The following COL6A3 variants were observed in gnomAD, a reference collection of about 807,000 sequenced individuals.
COL6A3 encodes collagen type VI alpha 3 chain, also known as collagen alpha-3(VI) chain.
Under a neutral mutation model 274.1 loss-of-function variants are expected in COL6A3, and 137 were observed. The observed-to-expected ratio is 0.50, with a 90% CI of 0.44 to 0.58. The LOEUF is 0.58. COL6A3 is among the 20% of genes least tolerant of loss of function. COL6A3 has a pLI of 0.00. For synonymous variants in COL6A3, 1,650 were observed against 1,650.6 expected (o/e 1.00, Z 0.01); for missense variants, 3,950 against 4,124.9 (o/e 0.96, Z 1.16).
intron 9 of COL6A3, among the ~76,000 whole-genome samples, chr2:237,370,935 CA>C: frequency 6.6e-6 from 1 of 152,216 alleles, no homozygotes; most frequent in Middle Eastern, 3.4e-3. Flanking sequence ...TGAACACAGA[CA>C]AAAAGAAAAA....
At chr2:237,382,534 A>G (rs2106371667) in intron 4 of COL6A3, among the ~76,000 whole-genome samples, 1 of 152,366 alleles carries the variant, frequency 6.6e-6, no homozygotes, top group East Asian at 1.9e-4. Flanking sequence ...CCCTGCCCAT[A>G]TTGCAAGAAC....
chr2:237,365,727 A>G lies in COL6A3; in HGVS notation c.5809T>C (p.Phe1937Leu). 1.2e-6 allele frequency: 2 copies of G among 1,614,180 alleles called. No individual in the cohort carries two copies. Among genetic ancestry groups the G allele is most frequent in the Non-Finnish European group, 1.7e-6 (2 of 1,180,026 alleles). Residue 1937 changes from phenylalanine to leucine, a missense_variant, in exon 12 of 44, where the codon TTC becomes CTC. By Grantham distance (22) the Phe-to-Leu change is conservative. This residue lies in a region of COL6A3 where 632 missense variants were observed against 623.4 expected (regional missense o/e 1.01). Transcript: ENST00000295550. Reference sequence around the variant, plus strand: ...ACGCTGTCCGGCGAGGACTGTCTGAACTTGTTCAGGTAGACCTTCAGGGTG... The same window carrying G: ...ACGCTGTCCGGCGAGGACTGTCTGAGCTTGTTCAGGTAGACCTTCAGGGTG... ...EDTLKVYLNK[F>L]RQSSPDSVKV...
chr2:237,369,117 G>T lies in COL6A3; in HGVS notation c.4346C>A (p.Pro1449Gln), dbSNP rs779373445. 17 of 1,613,966 alleles carry T rather than the reference G, an allele frequency of 1.1e-5. 1 individual carries two copies. In the South Asian group the frequency reaches 1.9e-4, roughly 18 times the overall value. The change falls in exon 10 of 44, where the codon CCA becomes CAA. Residue 1449 changes from proline (P) to glutamine (Q), a missense_variant. Pro to Gln is a moderately conservative substitution (Grantham distance 76). Transcript: ENST00000295550. ...FLIDSSEGVR[P>Q]DGFAHIRDFV... Reference sequence around the variant, plus strand: ...ATCTCGAATATGTGCAAAGCCATCTGGCCTAACTCCCTCAGAGCTGTCGAT... The same window carrying T: ...ATCTCGAATATGTGCAAAGCCATCTTGCCTAACTCCCTCAGAGCTGTCGAT...
Position 237,381,469 on chromosome 2 carries a change from A to T in COL6A3, c.1343T>A (p.Phe448Tyr). 1 of 1,606,072 alleles carries T rather than the reference A, an allele frequency of 6.2e-7. No homozygotes were observed. The highest frequency in any genetic ancestry group is 8.5e-7 in the Non-Finnish European group (1 of 1,179,992). The change falls in exon 5 of 44, where the codon TTC becomes TAC. Residue 448 changes from phenylalanine (F) to tyrosine (Y), a missense_variant. By Grantham distance (22) the Phe-to-Tyr change is conservative (BLOSUM62 3). Around this residue, in one of 5 missense-constraint regions of COL6A3, gnomAD observed 1,934 missense variants for 1,984.3 expected, o/e 0.97. Coordinates refer to ENST00000295550, the MANE Select transcript of COL6A3 (RefSeq NM_004369.4). ...VIEVNKRDIV[F>Y]LVDGSSALGL... is the part of the protein sequence containing the mutation. ...CAGTGCAGATGAGCCATCCACCAGG[A>T]AGACTATGTCTCTCTTGTTGACTTC...
intron 36 of COL6A3, 34 bp from the exon 37 acceptor site, chr2:237,342,195 C>G: frequency 7.8e-6 from 12 of 1,534,026 alleles, no homozygotes; most frequent in Non-Finnish European, 1.1e-5. Context: ...TTGGTAGGGG[C>G]GTACATGATC....
chr2:237,392,103 T>C (rs1354276301), intron 3 of COL6A3, among the ~76,000 whole-genome samples: 1 of 152,216 alleles, frequency 6.6e-6, no homozygotes, highest in Admixed American at 6.5e-5. Flanking sequence ...CTCTTTCCTA[T>C]GGAGAAGCAG....
intron 7 of COL6A3, among the ~76,000 whole-genome samples, chr2:237,376,196 A>G (rs2077834854): frequency 6.6e-6 from 1 of 152,194 alleles, no homozygotes; most frequent in African/African-American, 2.4e-5. Context: ...TTTCATCAAA[A>G]GGCATACAGG....
chr2:237,336,633 C>T (rs1290503748), intron 39 of COL6A3, 101 bp from the exon 40 acceptor site: 13 of 1,227,830 alleles, frequency 1.1e-5, no homozygotes, highest in Non-Finnish European at 1.4e-5. Context: ...TAGCAAAATG[C>T]ATGCAATAGT....
In COL6A3 at chr2:237,395,205, C is replaced by A; in HGVS notation, c.92-1G>T. 6.2e-7 allele frequency: 1 copy of A among 1,612,988 alleles called. No individual in the cohort carries two copies. The highest frequency in any genetic ancestry group is 8.5e-7 in the Non-Finnish European group (1 of 1,179,910). On this transcript the variant is annotated splice_acceptor_variant, in intron 2 of 43. Transcript: ENST00000295550. LOFTEE classifies it high-confidence loss of function. The stretch of plus-strand genomic sequence containing the variant: ...TCAGCAGCCGCACCATTTTTGACAT[C>A]TTTAAAAAAAGACATTGGTTTAGAT...
intron 8 of COL6A3, among the ~76,000 whole-genome samples, chr2:237,372,817 T>C (rs964729233): frequency 6.6e-6 from 1 of 152,056 alleles, no homozygotes; most frequent in Non-Finnish European, 1.5e-5. Context: ...GCAGGGGAAG[T>C]GGCGCATCAG....
chr2:237,377,342 T>A lies in COL6A3; in HGVS notation c.2500A>T (p.Ser834Cys). 5.0e-6 allele frequency: 8 copies of A among 1,599,862 alleles called. No homozygotes were observed. The highest frequency in any genetic ancestry group is 6.8e-6 in the Non-Finnish European group (8 of 1,179,946). ...AAGAGGAACAGAATGTCTCGCTTGC[T>A]CTCTGCAATGAAGGTAGATTAGGAT... The part of the protein sequence containing the change: ...VEEVPLAQPE[S>C]KRDILFLFDG... Residue 834 changes from serine (S) to cysteine (C), a missense_variant and splice_region_variant, in exon 7 of 44, where the codon AGC becomes TGC. Transcript: ENST00000295550.
chr2:237,357,458 C>T (rs959922532), intron 22 of COL6A3, 67 bp from the exon 23 acceptor site: 4 of 1,395,520 alleles, frequency 2.9e-6, no homozygotes, highest in Middle Eastern at 1.8e-4. Context: ...TGAAATGCTG[C>T]ACAAGACATT....
chr2:237,371,705 G>A lies in COL6A3; in HGVS notation c.4285+27C>T. 1 of 1,557,762 alleles carries A rather than the reference G, an allele frequency of 6.4e-7. No homozygotes were observed. Among genetic ancestry groups the A allele is most frequent in the Middle Eastern group, 1.7e-4 (1 of 5,738 alleles). On this transcript the variant is annotated intron_variant, in intron 9 of 43. Coordinates refer to ENST00000295550, the MANE Select transcript of COL6A3 (RefSeq NM_004369.4). The surrounding 1 kb of genome is among the most constrained non-coding windows in gnomAD (Gnocchi z 4.3). Reference sequence around the variant, plus strand: ...ATTTTTCATATGGAAAATGCTCCAAGGAGAACCTCCGACGCCCCCATCTCA... The same window carrying A: ...ATTTTTCATATGGAAAATGCTCCAAAGAGAACCTCCGACGCCCCCATCTCA...
At chr2:237,339,903 G>A (rs903323276) in intron 38 of COL6A3, among the ~76,000 whole-genome samples, 11 of 152,154 alleles carry the variant, frequency 7.2e-5, no homozygotes, top group Admixed American at 1.3e-4. Context: ...CTTCCACGGC[G>A]AGCAGAAGCC....
At chr2:237,355,286 T>G in intron 23 of COL6A3, 1 of 265,074 alleles carries the variant, frequency 3.8e-6, no homozygotes, top group Admixed American at 5.1e-5. Flanking sequence ...AAAGGGAATG[T>G]CAACCTGTCT....
At position 237,344,368 on chromosome 2, in the gene COL6A3, C is replaced by T; in HGVS notation, c.7650G>A (p.Gln2550=). 1 of 1,614,202 alleles carries T rather than the reference C, an allele frequency of 6.2e-7. No homozygotes were observed. The highest frequency in any genetic ancestry group is 1.3e-5 in the African/African-American group (1 of 75,056). Residue 2550 remains glutamine, a synonymous_variant, in exon 36 of 44, where the codon CAG becomes CAA. Coordinates refer to ENST00000295550, the MANE Select transcript of COL6A3 (RefSeq NM_004369.4). This position sits in a 1 kb window ranked among gnomAD's most constrained non-coding sequence, Gnocchi z 4.8. ...PLFLTRQEDR[Q]LINALQINNT... Reference sequence around the variant, plus strand: ...CACAGACCTGCAAAGCGTTGATGAGCTGCCGGTCTTCCTGCCTTGTAAGGA... The same window carrying T: ...CACAGACCTGCAAAGCGTTGATGAGTTGCCGGTCTTCCTGCCTTGTAAGGA...
chr2:237,338,795 G>T lies in COL6A3; in HGVS notation c.8567+220C>A, dbSNP rs1418093187. 3 of 527,242 alleles carry T rather than the reference G, an allele frequency of 5.7e-6. No individual in the cohort carries two copies. In the East Asian group the frequency reaches 1.0e-4, roughly 18 times the overall value. 32.7% of individuals were successfully genotyped at this position (527,242 alleles called of 1,614,324 possible). A position where few individuals can be genotyped will look rare whatever the true frequency, so the allele number is the denominator to read the frequency against. The stretch of plus-strand genomic sequence containing the variant: ...AATAAATTAAGTAAGAAAATAAATA[G>T]GTGGTTGTTGTTTTAAGCCACTAAG... On this transcript the variant is annotated intron_variant, in intron 39 of 43. Transcript: ENST00000295550.
In COL6A3 at chr2:237,365,761, G is replaced by A. The variant is rs764231408; in HGVS notation, c.5775C>T (p.Leu1925=). 4 of 1,614,090 alleles carry A rather than the reference G, an allele frequency of 2.5e-6. No homozygotes were observed. The African/African-American group carries it at 5.3e-5, about 22-fold the overall frequency. ...RNMRSQHPYV[L]TEDTLKVYLN... is the part of the protein sequence containing the mutation. ...GGTAGACCTTCAGGGTGTCCTCCGT[G>A]AGGACGTAGGGGTGCTGGCTGCGCA... The change falls in exon 12 of 44, where the codon CTC becomes CTT. Residue 1925 remains leucine, a synonymous_variant. Transcript: ENST00000295550.
At chr2:237,411,635 A>G (rs1470521624) in intron 1 of COL6A3, among the ~76,000 whole-genome samples, 1 of 152,264 alleles carries the variant, frequency 6.6e-6, no homozygotes, top group Admixed American at 6.5e-5. Flanking sequence ...TCGGGGACGT[A>G]TTAAGTTCTA....
Sources: gnomAD v4.1 joint callset for allele counts (sites outside exome capture counted in the v4.1 genomes callset) on GRCh38, gnomAD v4.1.1 for gene constraint, gnomAD v4.1.1 regional missense constraint, Gnocchi (gnomAD v3.1) non-coding constraint, MANE v1.5 for transcripts, NCBI Gene and HGNC (gene_info 2026-07-23, HGNC 2026-07-21) for gene names.